Variants in FGFR3 observed in about 807,000 individuals in gnomAD.
The protein encoded by FGFR3 is fibroblast growth factor receptor 3.
In FGFR3, 25 loss-of-function variants were observed where a neutral mutation model predicts 82.9. The ratio of observed to expected loss-of-function variants is 0.30; its 90% CI spans 0.22 to 0.42. FGFR3 has a LOEUF of 0.42. FGFR3 is among the 10% of genes least tolerant of loss of function. The pLI, the probability that FGFR3 is intolerant of heterozygous loss-of-function variation, is 1.00. For synonymous variants in FGFR3, 620 were observed against 516.0 expected, an observed-to-expected ratio of 1.20 and a Z score of -2.73; for missense variants, 1,026 against 1,161.0, an observed-to-expected ratio of 0.88 and a Z score of 1.69.
At chr4:1,800,583 G>C (rs1384253010) in intron 4 of FGFR3, among the ~76,000 whole-genome samples, 1 of 152,120 alleles carries the variant, frequency 6.6e-6, no homozygotes, top group Non-Finnish European at 1.5e-5. Context: ...CTGGGAGGGA[G>C]CTCAGCACCG....
intron 2 of FGFR3, among the ~76,000 whole-genome samples, chr4:1,794,812 A>T (rs3135840): frequency 0.4 from 61,172 of 151,576 alleles, 15,316 homozygotes; most frequent in African/African-American, 0.72. Flanking sequence ...GTACACCCGC[A>T]GCCGGCTCCG....
At position 1,802,877 on chromosome 4, in the gene FGFR3, C is replaced by T. The variant is rs765944113; in HGVS notation, c.931-815C>T. On this transcript the variant is annotated intron_variant, in intron 7 of 17. Transcript: ENST00000440486. Reference sequence around the variant, plus strand: ...TGCCTCGTGCCCGGCGGGGCTGCCTCGGGGGCGTGCCTGAGCCGGGTCTCT... The same window carrying T: ...TGCCTCGTGCCCGGCGGGGCTGCCTTGGGGGCGTGCCTGAGCCGGGTCTCT... 3.6e-5 allele frequency: 56 copies of T among 1,561,390 alleles called. 1 individual carries two copies. The highest frequency in any genetic ancestry group is 4.2e-5 in the Non-Finnish European group (49 of 1,157,826).
rs1286872876 is a variant in FGFR3 at position 1,808,501 on chromosome 4, G to T, written c.*1239G>T. 1.7e-5 allele frequency: 4 copies of T among 232,030 alleles called. No individual in the cohort carries two copies. The highest frequency in any genetic ancestry group is 2.6e-5 in the Non-Finnish European group (3 of 117,148). 14.4% of individuals were successfully genotyped at this position (232,030 alleles called of 1,614,324 possible). On this transcript the variant is annotated 3_prime_UTR_variant, in exon 18 of 18. Transcript: ENST00000440486. ...GTTTCCAGGGAGGGGCCGGCCCTGTGTGCAGGTTCCGATGTTATTAGATGT... is the reference window on the plus strand; with the variant it reads ...GTTTCCAGGGAGGGGCCGGCCCTGTTTGCAGGTTCCGATGTTATTAGATGT...
chr4:1,805,001 A>G (rs1721704485), intron 10 of FGFR3, 32 bp downstream of exon 10: 1 of 1,529,734 alleles, frequency 6.5e-7, no homozygotes, highest in South Asian at 1.2e-5. Flanking sequence ...CGTTGGCTGT[A>G]GGGGGCTTGG....
intron 2 of FGFR3, among the ~76,000 whole-genome samples, chr4:1,795,274 T>C (rs1720350256): frequency 6.6e-6 from 1 of 152,040 alleles, no homozygotes; most frequent in Non-Finnish European, 1.5e-5. Flanking sequence ...AGCTTGGCTT[T>C]CGCATTCTCA....
Position 1,807,646 on chromosome 4 carries a change from C to A in FGFR3, c.*384C>A. The A allele has an allele frequency of 1.6e-6, 1 of 637,916 alleles. No individual in the cohort carries two copies. The highest frequency in any genetic ancestry group is 3.0e-6 in the Non-Finnish European group (1 of 335,764). The allele number at this position is 637,916 out of a possible 1,614,324, so 39.5% of individuals were successfully genotyped here. A position where few individuals can be genotyped will look rare whatever the true frequency, so the allele number is the denominator to read the frequency against. Reference sequence around the variant, plus strand: ...CGGCCTCTGCCTTTGCACCACGGGACATCACAGGGTGGGCCTCGGCCCCTC... The same window carrying A: ...CGGCCTCTGCCTTTGCACCACGGGAAATCACAGGGTGGGCCTCGGCCCCTC... On this transcript the variant is annotated 3_prime_UTR_variant, in exon 18 of 18. Transcript: ENST00000440486.
At chr4:1,795,399 C>T (rs1001944213) in intron 2 of FGFR3, among the ~76,000 whole-genome samples, 1 of 151,996 alleles carries the variant, frequency 6.6e-6, no homozygotes, top group Admixed American at 6.5e-5. Flanking sequence ...GGGGCCTCCC[C>T]CAGTCGCTCC....
chr4:1,802,800 T>C, intron 7 of FGFR3: 3 of 1,344,100 alleles, frequency 2.2e-6, no homozygotes, highest in Non-Finnish European at 2.9e-6. Flanking sequence ...AGGCAGCCTT[T>C]GGGGCTGACG....
chr4:1,808,493 G>A lies in FGFR3; in HGVS notation c.*1231G>A, dbSNP rs756578124. 9.5e-5 allele frequency: 22 copies of A among 231,282 alleles called. No homozygotes were observed. The highest frequency in any genetic ancestry group is 1.0e-4 in the Non-Finnish European group (12 of 116,710). 14.3% of individuals were successfully genotyped at this position (231,282 alleles called of 1,614,324 possible). ...GGGAGACGGTTTCCAGGGAGGGGCCGGCCCTGTGTGCAGGTTCCGATGTTA... is the reference window on the plus strand; with the variant it reads ...GGGAGACGGTTTCCAGGGAGGGGCCAGCCCTGTGTGCAGGTTCCGATGTTA... On this transcript the variant is annotated 3_prime_UTR_variant, in exon 18 of 18. Transcript: ENST00000440486.
chr4:1,799,820 C>A lies in FGFR3; in HGVS notation c.445+8C>A. The A allele has an allele frequency of 6.2e-7, 1 of 1,612,570 alleles. No individual in the cohort carries two copies. Among genetic ancestry groups the A allele is most frequent in the South Asian group, 1.1e-5 (1 of 91,042 alleles). On this transcript the variant is annotated splice_region_variant and intron_variant, in intron 4 of 17. Transcript: ENST00000440486. ...ACACAGGTGTGGACACAGGTAGGAG[C>A]AGGGTCCAGGGTTCAGGCCAGCCGG...
In FGFR3 at chr4:1,808,735, C is replaced by T; in HGVS notation, c.*1473C>T. ...TGGGCAGCTGTCCCTTGCTTGCCTGCAGGGCCATGGCTCAGGGTGGTCTCT... is the reference window on the plus strand; with the variant it reads ...TGGGCAGCTGTCCCTTGCTTGCCTGTAGGGCCATGGCTCAGGGTGGTCTCT... On this transcript the variant is annotated 3_prime_UTR_variant, in exon 18 of 18. Coordinates refer to ENST00000440486, the MANE Select transcript of FGFR3 (RefSeq NM_000142.5). The T allele has an allele frequency of 4.3e-6, 1 of 232,020 alleles. No individual in the cohort carries two copies. Among genetic ancestry groups the T allele is most frequent in the East Asian group, 6.1e-5 (1 of 16,446 alleles). The allele number at this position is 232,020 out of a possible 1,614,324, so 14.4% of individuals were successfully genotyped here. A position where few individuals can be genotyped will look rare whatever the true frequency, so the allele number is the denominator to read the frequency against.
Position 1,802,301 on chromosome 4 carries a change from C to T in FGFR3, c.930+276C>T, listed in dbSNP as rs565787382. Among the ~76,000 whole-genome samples, 124 of 152,260 alleles carry T rather than the reference C, an allele frequency of 8.1e-4. 1 individual carries two copies. The Middle Eastern group carries it at 0.024, about 29-fold the overall frequency. On this transcript the variant is annotated intron_variant, in intron 7 of 17. Coordinates refer to ENST00000440486, the MANE Select transcript of FGFR3 (RefSeq NM_000142.5). Reference sequence around the variant, plus strand: ...CCCACGGGCTTCTTGGGGGTGGGTGCGGCTTGGGCAGCAGTGGTGCCCCAG... The same window carrying T: ...CCCACGGGCTTCTTGGGGGTGGGTGTGGCTTGGGCAGCAGTGGTGCCCCAG...
chr4:1,803,233 CG>C (rs1721425648), intron 7 of FGFR3: 1 of 807,706 alleles, frequency 1.2e-6, no homozygotes, highest in Non-Finnish European at 1.7e-6. Context: ...GGTGACCGCC[CG>C]CTTCGAGCCC....
Position 1,799,300 on chromosome 4 carries a change from C to T in FGFR3, c.156C>T (p.Gly52=). The change falls in exon 3 of 18, where the codon GGC becomes GGT. Residue 52 remains glycine, a synonymous_variant. Transcript: ENST00000440486. ...EPGQQEQLVF[G]SGDAVELSCP... ...GCCAGCAGGAGCAGTTGGTCTTCGG[C>T]AGCGGGGATGCTGTGGAGCTGAGCT... 6.2e-7 allele frequency: 1 copy of T among 1,612,724 alleles called. No homozygotes were observed. Among genetic ancestry groups the T allele is most frequent in the Non-Finnish European group, 8.5e-7 (1 of 1,179,966 alleles).
intron 2 of FGFR3, among the ~76,000 whole-genome samples, chr4:1,797,079 G>C (rs550248292): frequency 1.4e-3 from 213 of 152,292 alleles, no homozygotes; most frequent in Non-Finnish European, 2.1e-3. Context: ...ACCCCGCCTT[G>C]GGTACAGCAG....
At chr4:1,803,986 G>A in intron 8 of FGFR3, 150 bp downstream of exon 8, 1 of 1,020,754 alleles carries the variant, frequency 9.8e-7, no homozygotes, top group Non-Finnish European at 1.5e-6. Context: ...CCAGTGTGGG[G>A]ACAAAGTTGG....
In FGFR3 at chr4:1,801,473, C is replaced by A. The variant is rs774917626; in HGVS notation, c.552C>A (p.Pro184=). 1 of 1,555,564 alleles carries A rather than the reference C, an allele frequency of 6.4e-7. No individual in the cohort carries two copies. Among genetic ancestry groups the A allele is most frequent in the East Asian group, 2.4e-5 (1 of 41,476 alleles). Residue 184 remains proline, a synonymous_variant, in exon 5 of 18, where the codon CCC becomes CCA. Coordinates refer to ENST00000440486, the MANE Select transcript of FGFR3 (RefSeq NM_000142.5). ...GCCCAGCCGCTGGCAACCCCACTCC[C>A]TCCATCTCCTGGCTGAAGAACGGCA... is the stretch of plus-strand genomic sequence containing the variant. ...FRCPAAGNPT[P]SISWLKNGRE...
intron 15 of FGFR3, 25 bp from the exon 16 acceptor site, chr4:1,806,520 CA>C (rs1560445435): frequency 1.2e-6 from 2 of 1,612,832 alleles, no homozygotes; most frequent in Admixed American, 3.3e-5. Flanking sequence ...AGTCTCAGGA[CA>C]GCCTGACCTC....
intron 2 of FGFR3, 106 bp downstream of exon 2, chr4:1,794,149 C>T: frequency 1.8e-6 from 1 of 549,226 alleles, no homozygotes. Context: ...GTGAGTGACG[C>T]CCCGGGGTTA....
Sources: gnomAD v4.1 joint callset for allele counts (sites outside exome capture counted in the v4.1 genomes callset) on GRCh38, gnomAD v4.1.1 for gene constraint, MANE v1.5 for transcripts, NCBI Gene and HGNC (gene_info 2026-07-23, HGNC 2026-07-21) for gene names.